HECTD4: variants seen among roughly 807,000 people sequenced by gnomAD.
HECTD4 encodes the protein HECT domain E3 ubiquitin protein ligase 4.
In HECTD4, 114 loss-of-function variants were observed where a neutral mutation model predicts 471.5. The ratio of observed to expected loss-of-function variants is 0.24; its 90% CI spans 0.21 to 0.28. HECTD4 has a LOEUF of 0.28. HECTD4 is among the 10% of genes least tolerant of loss of function. The pLI is 1.00. For missense variants in HECTD4, 3,866 were observed against 5,651.5 expected (o/e 0.68, Z 10.13); for synonymous variants, 2,012 against 2,256.0 (o/e 0.89, Z 3.07).
intron 1 of HECTD4, among the ~76,000 whole-genome samples, chr12:112,363,874 G>C (rs1484803505): frequency 6.6e-6 from 1 of 151,512 alleles, no homozygotes; most frequent in Admixed American, 6.6e-5. Flanking sequence ...TACTCAGGAG[G>C]CTGAGGCAGG....
intron 68 of HECTD4, 126 bp downstream of exon 68, chr12:112,170,991 A>C (rs1195900709): frequency 1.4e-6 from 1 of 714,758 alleles, no homozygotes; most frequent in South Asian, 2.1e-5. Flanking sequence ...TGCTACATGA[A>C]AGGTTGAGGT....
chr12:112,231,323 C>T, intron 39 of HECTD4, 190 bp downstream of exon 39: 1 of 603,390 alleles, frequency 1.7e-6, no homozygotes. Context: ...ATGACAACCT[C>T]AGATCTACCT....
At chr12:112,251,164 G>A in intron 23 of HECTD4, 30 bp from the exon 24 acceptor site, 1 of 1,607,494 alleles carries the variant, frequency 6.2e-7, no homozygotes, top group Non-Finnish European at 8.5e-7. Context: ...AAACCACACT[G>A]GTCAGTGTAC....
Position 112,207,116 on chromosome 12 carries a change from G to GTGTGTGTATGTATGTA in HECTD4, c.8131+757_8131+758insTACATACATACACACA, listed in dbSNP as rs1555250152. Among the ~76,000 whole-genome samples the GTGTGTGTATGTATGTA allele has an allele frequency of 4.1e-5, 6 of 147,450 alleles. No homozygotes were observed. In the East Asian group the frequency reaches 7.9e-4, roughly 19 times the overall value. On this transcript the variant is annotated intron_variant, in intron 52 of 75. Coordinates refer to ENST00000682272, the MANE Select transcript of HECTD4 (RefSeq NM_001388303.1). Reference sequence around the variant, plus strand: ...TGTTTGTTTATGTATATGTGTGTGTGTGTATGTATGTATGTATGTATGTAT... The same window carrying GTGTGTGTATGTATGTA: ...TGTTTGTTTATGTATATGTGTGTGTGTGTGTGTATGTATGTATGTATGTATGTATGTATGTATGTAT...
intron 1 of HECTD4, among the ~76,000 whole-genome samples, chr12:112,357,940 T>C (rs7978523): frequency 0.46 from 69,340 of 152,110 alleles, 20,081 homozygotes; most frequent in East Asian, 0.9. Context: ...CAGTGGCTCA[T>C]GCCTGTCATC....
rs900564978 is a variant in HECTD4, at chr12:112,216,292, C to T, written c.7465G>A (p.Gly2489Ser). The change falls in exon 48 of 76, where the codon GGT (glycine) becomes AGT (serine). Residue 2489 changes from glycine (G) to serine (S), a missense_variant and splice_region_variant. Physicochemically the swap from Gly to Ser is moderately conservative, Grantham distance 56. Coordinates refer to ENST00000682272, the MANE Select transcript of HECTD4 (RefSeq NM_001388303.1). ...GTGGAAAAGCTCCCACTGCACTCAC[C>T]GGGGGAGAGAGTCACGTCTAAGCGA... is the stretch of plus-strand genomic sequence containing the variant. ...SVRLDVTLSP[G>S]DVAGIGWERT... The T allele has an allele frequency of 1.9e-6, 3 of 1,545,972 alleles. No individual in the cohort carries two copies. The highest frequency in any genetic ancestry group is 2.6e-6 in the Non-Finnish European group (3 of 1,140,998).
intron 1 of HECTD4, among the ~76,000 whole-genome samples, chr12:112,348,354 C>T (rs903360568): frequency 6.6e-6 from 1 of 152,174 alleles, no homozygotes; most frequent in Admixed American, 6.5e-5. Context: ...ACAGACTCTA[C>T]TATGCCCTTG....
At chr12:112,313,190 C>A in intron 3 of HECTD4, 43 bp from the exon 4 acceptor site, 1 of 1,486,524 alleles carries the variant, frequency 6.7e-7, no homozygotes, top group South Asian at 1.3e-5. Flanking sequence ...CTGAGACAAT[C>A]CATTTCAGCA....
At chr12:112,233,881 T>A (rs570314244) in intron 37 of HECTD4, among the ~76,000 whole-genome samples, 1 of 152,192 alleles carries the variant, frequency 6.6e-6, no homozygotes. Context: ...ACACCCTGTG[T>A]GTTTCTCCCT....
Position 112,235,154 on chromosome 12 carries a change from A to G in HECTD4, c.5838T>C (p.Ala1946=). 6.2e-7 allele frequency: 1 copy of G among 1,613,628 alleles called. No homozygotes were observed. Among genetic ancestry groups the G allele is most frequent in the Non-Finnish European group, 8.5e-7 (1 of 1,179,716 alleles). ...GDKDPGEESE[A]VDGKLSIFIH... is the part of the protein sequence containing the mutation. ...TAAATATCGAGAGCTTGCCATCCACAGCCTCACTCTCTTCTCCAGGATCTT... is the reference window on the plus strand; with the variant it reads ...TAAATATCGAGAGCTTGCCATCCACGGCCTCACTCTCTTCTCCAGGATCTT... The change falls in exon 37 of 76, where the codon GCT becomes GCC. Residue 1946 remains alanine, a synonymous_variant. Transcript: ENST00000682272. This position sits in a 1 kb window ranked among gnomAD's most constrained non-coding sequence, Gnocchi z 5.0.
Position 112,170,373 on chromosome 12 carries a change from C to T in HECTD4, c.12012G>A (p.Ala4004=), listed in dbSNP as rs373711176. The T allele has an allele frequency of 2.5e-5, 40 of 1,613,994 alleles. No homozygotes were observed. Among genetic ancestry groups the T allele is most frequent in the Non-Finnish European group, 2.9e-5 (34 of 1,179,906 alleles). ...GTGGGTCCAAGGTGATCTCAGGGGCCGCGTGGTCCGCTGTCCTCTGCACAG... is the reference window on the plus strand; with the variant it reads ...GTGGGTCCAAGGTGATCTCAGGGGCTGCGTGGTCCGCTGTCCTCTGCACAG... ...NATVQRTADH[A]APEITLDPLE... is the part of the protein sequence containing the mutation. The change falls in exon 69 of 76, where the codon GCG becomes GCA. Residue 4004 remains alanine (A), a synonymous_variant. Coordinates refer to ENST00000682272, the MANE Select transcript of HECTD4 (RefSeq NM_001388303.1).
At chr12:112,341,033 C>A (rs2036044919) in intron 1 of HECTD4, among the ~76,000 whole-genome samples, 2 of 152,134 alleles carry the variant, frequency 1.3e-5, no homozygotes, top group Non-Finnish European at 2.9e-5. Context: ...TTTTAAAAAT[C>A]TTTTTCGAAT....
At chr12:112,178,635 GC>G (rs2031549209) in intron 64 of HECTD4, among the ~76,000 whole-genome samples, 5 of 152,162 alleles carry the variant, frequency 3.3e-5, no homozygotes, top group Admixed American at 3.3e-4. Context: ...TTGAAGACCA[GC>G]CTGGCCAACA....
intron 20 of HECTD4, among the ~76,000 whole-genome samples, chr12:112,257,105 C>A (rs1193373512): frequency 6.6e-6 from 1 of 152,190 alleles, no homozygotes; most frequent in South Asian, 2.1e-4. Context: ...GGAATACAAA[C>A]TCCTAAGACT....
chr12:112,288,927 G>C (rs1203780289), intron 7 of HECTD4, among the ~76,000 whole-genome samples: 1 of 152,068 alleles, frequency 6.6e-6, no homozygotes, highest in Non-Finnish European at 1.5e-5. Context: ...CTTAGCTTGG[G>C]GATTGTTCAC....
At chr12:112,176,835 C>T (rs374244646) in intron 64 of HECTD4, 133 bp from the exon 65 acceptor site, 3 of 680,200 alleles carry the variant, frequency 4.4e-6, no homozygotes, top group South Asian at 1.8e-5. Flanking sequence ...AGGGCGGGGG[C>T]GTTCAAGACC....
chr12:112,236,219 G>A (rs1329863799), intron 35 of HECTD4, among the ~76,000 whole-genome samples: 2 of 152,302 alleles, frequency 1.3e-5, no homozygotes, highest in African/African-American at 4.8e-5. Context: ...CCATCTTGAG[G>A]TTACAGAAAG....
intron 53 of HECTD4, 60 bp downstream of exon 53, chr12:112,204,426 A>G: frequency 6.6e-7 from 1 of 1,522,966 alleles, no homozygotes; most frequent in Non-Finnish European, 9.0e-7. Context: ...CACATTAAGG[A>G]AAATTCAACC....
At position 112,188,708 on chromosome 12, in the gene HECTD4, G is replaced by A. The variant is rs1238622690; in HGVS notation, c.9472+2078C>T. On this transcript the variant is annotated intron_variant, in intron 60 of 75. Coordinates refer to ENST00000682272, the MANE Select transcript of HECTD4 (RefSeq NM_001388303.1). The surrounding 1 kb of genome is among the most constrained non-coding windows in gnomAD (Gnocchi z 4.2). ...TACTAAGTCCAGCACCTACCAAAGA[G>A]GGGATCAAGCTTCCTGCTCTCTCAG... 6.6e-6 allele frequency among the ~76,000 whole-genome samples: 1 copy of A among 152,230 alleles called. No individual in the cohort carries two copies. Among genetic ancestry groups the A allele is most frequent in the Non-Finnish European group, 1.5e-5 (1 of 68,042 alleles).
Sources: gnomAD v4.1 joint callset for allele counts (sites outside exome capture counted in the v4.1 genomes callset) on GRCh38, gnomAD v4.1.1 for gene constraint, Gnocchi (gnomAD v3.1) non-coding constraint, MANE v1.5 for transcripts, NCBI Gene and HGNC (gene_info 2026-07-23, HGNC 2026-07-21) for gene names.